The following HTT-AS variants were observed in gnomAD, a reference collection of about 807,000 sequenced individuals.
HTT-AS encodes HTT antisense RNA (head to head).
chr4:3,048,837 C>T (rs1466881116), downstream of HTT-AS, among the ~76,000 whole-genome samples: 2 of 152,290 alleles, frequency 1.3e-5, no homozygotes, highest in South Asian at 2.1e-4. Context: ...AAGTGATGCC[C>T]TTCTGGAAGA....
chr4:3,069,878 A>G (rs1356418808), intron 1 of HTT-AS: 1 of 152,334 alleles, frequency 6.6e-6, no homozygotes, highest in African/African-American at 2.4e-5. Context: ...GCCACCAAAG[A>G]GCCTCCTCTG....
At chr4:3,056,701 C>G (rs191076869) in intron 2 of HTT-AS, among the ~76,000 whole-genome samples, 1 of 152,298 alleles carries the variant, frequency 6.6e-6, no homozygotes, top group East Asian at 1.9e-4. Context: ...TTTCTTTTGG[C>G]AAACAATTTC....
chr4:3,064,553 C>T (rs1712007337), intron 1 of HTT-AS, among the ~76,000 whole-genome samples: 3 of 152,190 alleles, frequency 2.0e-5, no homozygotes, highest in Admixed American at 1.3e-4. Flanking sequence ...TGAACATAAA[C>T]ATAAAACTTG....
chr4:3,048,788 C>T (rs961323722), downstream of HTT-AS, among the ~76,000 whole-genome samples: 2 of 152,198 alleles, frequency 1.3e-5, no homozygotes, highest in African/African-American at 2.4e-5. Context: ...ATGAGGGATA[C>T]ATTTCTGGTT....
chr4:3,058,153 C>A (rs563234944), intron 2 of HTT-AS, among the ~76,000 whole-genome samples: 1 of 151,480 alleles, frequency 6.6e-6, no homozygotes, highest in Admixed American at 6.6e-5. Context: ...ATGGAGAAAC[C>A]CCATCTCTAC....
intron 1 of HTT-AS, among the ~76,000 whole-genome samples, chr4:3,064,825 C>A (rs1180139742): frequency 1.3e-5 from 2 of 152,114 alleles, no homozygotes; most frequent in African/African-American, 2.4e-5. Context: ...AAATTGATAC[C>A]AAAATCTTAT....
intron 2 of HTT-AS, among the ~76,000 whole-genome samples, chr4:3,050,292 A>T (rs1711679404): frequency 6.6e-6 from 1 of 152,196 alleles, no homozygotes; most frequent in Non-Finnish European, 1.5e-5. Context: ...ATTTCATTCA[A>T]ATTGTATATC....
intron 2 of HTT-AS, among the ~76,000 whole-genome samples, chr4:3,057,225 G>A (rs1037675965): frequency 2.0e-5 from 3 of 152,064 alleles, no homozygotes; most frequent in African/African-American, 7.2e-5. Flanking sequence ...AGTAGAGACG[G>A]GGTTTCACCG....
chr4:3,055,315 A>C (rs1220517628), intron 2 of HTT-AS, among the ~76,000 whole-genome samples: 3 of 151,982 alleles, frequency 2.0e-5, no homozygotes, highest in African/African-American at 7.2e-5. Flanking sequence ...AAAAAGTCTC[A>C]AACTAGCCCT....
intron 2 of HTT-AS, among the ~76,000 whole-genome samples, chr4:3,056,830 C>G (rs1360739525): frequency 1.3e-5 from 2 of 152,146 alleles, no homozygotes; most frequent in South Asian, 2.1e-4. Flanking sequence ...GTCATACAGT[C>G]ACCCCCACCA....
chr4:3,059,707 A>G (rs1035397257), intron 2 of HTT-AS, among the ~76,000 whole-genome samples: 1 of 150,920 alleles, frequency 6.6e-6, no homozygotes, highest in African/African-American at 2.4e-5. Context: ...AGTAGCTGGG[A>G]TTACAGGTGC....
intron 1 of HTT-AS, among the ~76,000 whole-genome samples, chr4:3,068,003 A>C (rs1712086599): frequency 6.6e-6 from 1 of 152,186 alleles, no homozygotes; most frequent in Non-Finnish European, 1.5e-5. Context: ...TCTCAACAGC[A>C]AGAATGAAAA....
At chr4:3,056,330 C>T (rs527801287) in intron 2 of HTT-AS, among the ~76,000 whole-genome samples, 7 of 152,316 alleles carry the variant, frequency 4.6e-5, no homozygotes, top group East Asian at 1.9e-4. Flanking sequence ...AGACAAAAAA[C>T]GGGAAGTGAC....
At chr4:3,071,566 C>T (rs1054320296) in intron 1 of HTT-AS, among the ~76,000 whole-genome samples, 1 of 152,142 alleles carries the variant, frequency 6.6e-6, no homozygotes, top group African/African-American at 2.4e-5. Flanking sequence ...ATAAAAAGGT[C>T]TCTAAAGAAG....
At chr4:3,061,850 C>T (rs749849118) in intron 2 of HTT-AS, among the ~76,000 whole-genome samples, 5 of 151,236 alleles carry the variant, frequency 3.3e-5, no homozygotes, top group South Asian at 2.1e-4. Context: ...GGTGTGGTGG[C>T]GAGCACCTGT....
At chr4:3,065,134 CATG>C (rs1275262998) in intron 1 of HTT-AS, among the ~76,000 whole-genome samples, 3 of 152,146 alleles carry the variant, frequency 2.0e-5, no homozygotes, top group African/African-American at 7.2e-5. Flanking sequence ...CCTTCTTTAG[CATG>C]ATAAAATATA....
At chr4:3,065,935 T>C (rs1712040192) in intron 1 of HTT-AS, among the ~76,000 whole-genome samples, 1 of 152,274 alleles carries the variant, frequency 6.6e-6, no homozygotes, top group Non-Finnish European at 1.5e-5. Flanking sequence ...TTTGGGACCA[T>C]CTTTATTTTC....
At chr4:3,055,545 A>G (rs1415851790) in intron 2 of HTT-AS, among the ~76,000 whole-genome samples, 1 of 152,202 alleles carries the variant, frequency 6.6e-6, no homozygotes, top group East Asian at 1.9e-4. Context: ...TTTTAAATGC[A>G]TGTCAGTGCA....
chr4:3,057,944 T>C (rs1326607166), intron 2 of HTT-AS, among the ~76,000 whole-genome samples: 1 of 151,888 alleles, frequency 6.6e-6, no homozygotes, highest in Non-Finnish European at 1.5e-5. Flanking sequence ...GATTATATGC[T>C]AAACAAGAGG....
Sources: gnomAD v4.1 joint callset for allele counts (sites outside exome capture counted in the v4.1 genomes callset) on GRCh38, gnomAD v4.1.1 for gene constraint, MANE v1.5 for transcripts, NCBI Gene and HGNC (gene_info 2026-07-23, HGNC 2026-07-21) for gene names.